The following UNC79 variants were observed in gnomAD, a reference collection of about 807,000 sequenced individuals.
The protein encoded by UNC79 is protein unc-79 homolog.
Under a neutral mutation model 283.1 loss-of-function variants are expected in UNC79, and 37 were observed. That is an observed-to-expected ratio of 0.13 (90% CI 0.10 to 0.17). The LOEUF (loss-of-function observed/expected upper bound fraction) is 0.17. UNC79 is among the 10% of genes least tolerant of loss of function. UNC79 has a pLI of 1.00. For synonymous variants in UNC79, 1,107 were observed against 1,200.2 expected, an observed-to-expected ratio of 0.92 and a Z score of 1.61; for missense variants, 2,272 against 3,211.1, an observed-to-expected ratio of 0.71 and a Z score of 7.07.
chr14:93,643,918 G>A (rs1166156637), intron 34 of UNC79, among the ~76,000 whole-genome samples: 1 of 152,118 alleles, frequency 6.6e-6, no homozygotes, highest in East Asian at 1.9e-4. Context: ...GCAAAGCTAG[G>A]GGCAACTGCA....
intron 1 of UNC79, among the ~76,000 whole-genome samples, chr14:93,342,496 T>G (rs918807350): frequency 2.0e-5 from 3 of 152,254 alleles, no homozygotes; most frequent in African/African-American, 7.2e-5. Flanking sequence ...TGTGAGGATC[T>G]CTGAAATACC....
chr14:93,622,690 G>A (rs904974854), exon 30 of UNC79: 6 of 1,614,190 alleles, frequency 3.7e-6, no homozygotes, highest in African/African-American at 1.3e-5. Context: ...AAAGGAAGGT[G>A]GAAGAGGATG....
chr14:93,620,076 G>A (rs549609034), intron 29 of UNC79, among the ~76,000 whole-genome samples: 15 of 152,276 alleles, frequency 9.9e-5, no homozygotes, highest in Admixed American at 5.2e-4. Flanking sequence ...AAGGGAGGAC[G>A]TAGAAACAAG....
chr14:93,621,584 C>T lies in UNC79; in HGVS notation c.4388-37C>T. 2 of 1,491,726 alleles carry T rather than the reference C, an allele frequency of 1.3e-6. No homozygotes were observed. Among genetic ancestry groups the T allele is most frequent in the Non-Finnish European group, 1.8e-6 (2 of 1,122,434 alleles). 92.4% of individuals were successfully genotyped at this position (1,491,726 alleles called of 1,614,324 possible). A position where few individuals can be genotyped will look rare whatever the true frequency, so the allele number is the denominator to read the frequency against. The stretch of plus-strand genomic sequence containing the variant: ...TGAGGGGAAAAAATGGTGAAATCTC[C>T]AAGTAAAATAGTACTAGCTTTTTCT... On this transcript the variant is annotated intron_variant, in intron 29 of 48. Coordinates refer to ENST00000555664, the Ensembl canonical transcript of UNC79. This position sits in a 1 kb window ranked among gnomAD's most constrained non-coding sequence, Gnocchi z 4.8.
intron 1 of UNC79, among the ~76,000 whole-genome samples, chr14:93,344,660 T>C (rs1049451699): frequency 2.0e-5 from 3 of 152,226 alleles, no homozygotes; most frequent in Admixed American, 1.3e-4. Context: ...GTGTAACAAC[T>C]GTGGCCAGGA....
At chr14:93,511,684 A>T (rs1269120561) in intron 7 of UNC79, among the ~76,000 whole-genome samples, 1 of 152,120 alleles carries the variant, frequency 6.6e-6, no homozygotes, top group Non-Finnish European at 1.5e-5. Flanking sequence ...TGACCTCGTG[A>T]TCCACCTGCC....
At chr14:93,501,222 G>T (rs1401350984) in intron 7 of UNC79, among the ~76,000 whole-genome samples, 2 of 152,146 alleles carry the variant, frequency 1.3e-5, no homozygotes, top group Non-Finnish European at 2.9e-5. Context: ...CTACTGGGGG[G>T]TTGAGGCAGG....
intron 24 of UNC79, 139 bp from the exon 25 acceptor site, chr14:93,600,430 G>A (rs867361797): frequency 7.4e-6 from 4 of 543,748 alleles, no homozygotes; most frequent in Middle Eastern, 9.8e-4. Context: ...GATTCCAGTG[G>A]GATCATTCTA....
chr14:93,388,460 G>T (rs2054822120), intron 1 of UNC79, among the ~76,000 whole-genome samples: 1 of 152,060 alleles, frequency 6.6e-6, no homozygotes, highest in Non-Finnish European at 1.5e-5. Flanking sequence ...TATTTGTAAA[G>T]AATAAATTTC....
chr14:93,647,009 C>T lies in UNC79; in HGVS notation c.6083+363C>T, dbSNP rs76389302. On this transcript the variant is annotated intron_variant, in intron 35 of 48. Coordinates refer to ENST00000555664, the Ensembl canonical transcript of UNC79. ...GCCAACAAATACTTTTAAGCCCACC[C>T]TGTGCTAGACACTCAGGCCTTCACT... Among the ~76,000 whole-genome samples, 1,253 of 152,326 alleles carry T rather than the reference C, an allele frequency of 8.2e-3. 19 individuals carry two copies. The highest frequency in any genetic ancestry group is 0.075 in the East Asian group (392 of 5,196).
At chr14:93,379,507 C>T (rs1242544657) in intron 1 of UNC79, among the ~76,000 whole-genome samples, 3 of 152,120 alleles carry the variant, frequency 2.0e-5, no homozygotes, top group South Asian at 4.1e-4. Flanking sequence ...ATTTATCATA[C>T]ACCTCGTTTG....
At position 93,430,776 on chromosome 14, in the gene UNC79, C is replaced by A; in HGVS notation, c.-254C>A. On this transcript the variant is annotated 5_prime_UTR_variant, in exon 1 of 49. Transcript: ENST00000555664. This position sits in a 1 kb window ranked among gnomAD's most constrained non-coding sequence, Gnocchi z 4.6. Reference sequence around the variant, plus strand: ...CAACGCGGGCAGCTCCAGGAGGGGACGGACAGGAAGCCTTTGGCCGCCTAT... The same window carrying A: ...CAACGCGGGCAGCTCCAGGAGGGGAAGGACAGGAAGCCTTTGGCCGCCTAT... 1 of 439,190 alleles carries A rather than the reference C, an allele frequency of 2.3e-6. No individual in the cohort carries two copies. The highest frequency in any genetic ancestry group is 4.2e-6 in the Non-Finnish European group (1 of 237,638). 27.2% of individuals were successfully genotyped at this position (439,190 alleles called of 1,614,324 possible). A position where few individuals can be genotyped will look rare whatever the true frequency, so the allele number is the denominator to read the frequency against.
At position 93,688,889 on chromosome 14, in the gene UNC79, C is replaced by A. The variant is rs769090532; in HGVS notation, c.7085+49C>A. The A allele has an allele frequency of 1.5e-5, 24 of 1,581,522 alleles. No individual in the cohort carries two copies. In the East Asian group the frequency reaches 5.0e-4, roughly 33 times the overall value. Reference sequence around the variant, plus strand: ...ATGAGGGTAAAGAAGGCAGGAGACACCCCTGAGTTTCCTCGGGCTCAGCTA... The same window carrying A: ...ATGAGGGTAAAGAAGGCAGGAGACAACCCTGAGTTTCCTCGGGCTCAGCTA... On this transcript the variant is annotated intron_variant, in intron 44 of 48. Coordinates refer to ENST00000555664, the Ensembl canonical transcript of UNC79. This position sits in a 1 kb window ranked among gnomAD's most constrained non-coding sequence, Gnocchi z 4.0.
chr14:93,492,013 C>T (rs2058751773), intron 5 of UNC79, among the ~76,000 whole-genome samples: 1 of 152,186 alleles, frequency 6.6e-6, no homozygotes. Flanking sequence ...CAACTGGCAA[C>T]TTGATCCTTG....
intron 7 of UNC79, among the ~76,000 whole-genome samples, chr14:93,498,293 A>G (rs1174110958): frequency 2.0e-5 from 3 of 151,494 alleles, no homozygotes; most frequent in Non-Finnish European, 2.9e-5. Context: ...ATAATAAATA[A>G]AAAATAAAAA....
At chr14:93,571,085 T>C (rs1416203561) in intron 14 of UNC79, among the ~76,000 whole-genome samples, 1 of 152,194 alleles carries the variant, frequency 6.6e-6, no homozygotes, top group African/African-American at 2.4e-5. Context: ...TAAAATAGAA[T>C]TGATTGATTT....
intron 40 of UNC79, among the ~76,000 whole-genome samples, chr14:93,667,846 A>C (rs1461313884): frequency 1.3e-5 from 2 of 152,200 alleles, no homozygotes; most frequent in Non-Finnish European, 2.9e-5. Context: ...TCAAAATATA[A>C]AAATGTTTAA....
At chr14:93,670,893 C>T (rs2072777946) in intron 40 of UNC79, among the ~76,000 whole-genome samples, 1 of 152,218 alleles carries the variant, frequency 6.6e-6, no homozygotes, top group South Asian at 2.1e-4. Flanking sequence ...AGTTGTATAT[C>T]AGATACAGGA....
intron 14 of UNC79, among the ~76,000 whole-genome samples, chr14:93,549,783 G>A (rs967190645): frequency 2.0e-5 from 3 of 152,216 alleles, no homozygotes; most frequent in African/African-American, 7.2e-5. Flanking sequence ...ACAGTTGGCT[G>A]CCTTTGATTG....
Sources: allele counts gnomAD v4.1 joint callset (sites outside exome capture counted in the v4.1 genomes callset), GRCh38; gene constraint gnomAD v4.1.1; non-coding constraint Gnocchi (gnomAD v3.1); transcripts MANE v1.5; gene names NCBI Gene and HGNC (gene_info 2026-07-23, HGNC 2026-07-21).